The following SPOCK1 variants were observed in gnomAD, a reference collection of about 807,000 sequenced individuals.
SPOCK1 encodes the protein testican-1.
Under a neutral mutation model 55.3 loss-of-function variants are expected in SPOCK1, and 23 were observed. The ratio of observed to expected loss-of-function variants is 0.42; its 90% CI spans 0.30 to 0.59. The LOEUF is 0.59. Ranked by LOEUF, SPOCK1 falls within the 20% of genes least tolerant of loss-of-function variation. SPOCK1 has a pLI of 0.22. For missense variants in SPOCK1, 499 were observed against 552.5 expected (o/e 0.90, Z 0.97); for synonymous variants, 226 against 221.0 (o/e 1.02, Z -0.20).
At chr5:137,296,671 G>A (rs971772034) in intron 2 of SPOCK1, among the ~76,000 whole-genome samples, 8 of 152,202 alleles carry the variant, frequency 5.3e-5, no homozygotes, top group Admixed American at 5.2e-4. Flanking sequence ...ATAAATCACA[G>A]TTTAGGGCTT....
chr5:137,051,773 A>G (rs1752212749), intron 6 of SPOCK1, among the ~76,000 whole-genome samples: 1 of 152,358 alleles, frequency 6.6e-6, no homozygotes, highest in African/African-American at 2.4e-5. Context: ...ATAATTACAA[A>G]TAGCATACAC....
intron 5 of SPOCK1, among the ~76,000 whole-genome samples, chr5:137,110,697 A>G (rs1753451078): frequency 6.6e-6 from 1 of 152,214 alleles, no homozygotes; most frequent in African/African-American, 2.4e-5. Flanking sequence ...TGGACAAAGA[A>G]TTTCTAACTC....
intron 6 of SPOCK1, among the ~76,000 whole-genome samples, chr5:137,033,116 G>T (rs534287415): frequency 3.3e-4 from 51 of 152,320 alleles, no homozygotes; most frequent in African/African-American, 1.2e-3. Flanking sequence ...TGATGCAGCT[G>T]AATGAGAGCC....
chr5:137,220,742 T>C (rs1411700879), intron 3 of SPOCK1, among the ~76,000 whole-genome samples: 1 of 152,162 alleles, frequency 6.6e-6, no homozygotes. Context: ...ACTGAGCAAA[T>C]GGTCACTAAG....
At chr5:137,162,096 G>T (rs1754568008) in intron 3 of SPOCK1, among the ~76,000 whole-genome samples, 2 of 147,784 alleles carry the variant, frequency 1.4e-5, no homozygotes, top group East Asian at 2.0e-4. Context: ...CCTTATCAAT[G>T]TACCATTCCC....
chr5:136,994,690 G>A (rs900267321), intron 6 of SPOCK1, among the ~76,000 whole-genome samples: 2 of 151,088 alleles, frequency 1.3e-5, no homozygotes, highest in Admixed American at 6.6e-5. Context: ...CTAGTAAGCT[G>A]CAATTAGCCA....
intron 6 of SPOCK1, among the ~76,000 whole-genome samples, chr5:136,999,472 G>T (rs946770390): frequency 5.9e-5 from 9 of 152,078 alleles, no homozygotes; most frequent in Admixed American, 2.0e-4. Context: ...AACAGGTAAT[G>T]GTTTTGAAAG....
At chr5:137,006,361 T>C (rs1237137106) in intron 6 of SPOCK1, among the ~76,000 whole-genome samples, 1 of 152,232 alleles carries the variant, frequency 6.6e-6, no homozygotes, top group Non-Finnish European at 1.5e-5. Context: ...CCCATTTGTT[T>C]GTGTCCTCTC....
intron 5 of SPOCK1, among the ~76,000 whole-genome samples, chr5:137,089,598 T>C (rs1753019967): frequency 6.6e-6 from 1 of 152,124 alleles, no homozygotes; most frequent in Admixed American, 6.5e-5. Context: ...TGCCAGTGCC[T>C]GAGGTCATCA....
chr5:137,412,972 T>C (rs777766464), intron 2 of SPOCK1, among the ~76,000 whole-genome samples: 1 of 149,184 alleles, frequency 6.7e-6, no homozygotes, highest in Non-Finnish European at 1.5e-5. Context: ...CCAAATCTAG[T>C]GTTAAGTGGA....
At chr5:137,084,460 C>T (rs1035524426) in intron 5 of SPOCK1, among the ~76,000 whole-genome samples, 8 of 152,134 alleles carry the variant, frequency 5.3e-5, no homozygotes, top group African/African-American at 1.7e-4. Flanking sequence ...AGGGCAGAGA[C>T]TCGAGCACCA....
chr5:137,488,849 T>C (rs1367892580), intron 2 of SPOCK1, among the ~76,000 whole-genome samples: 1 of 152,198 alleles, frequency 6.6e-6, no homozygotes, highest in Non-Finnish European at 1.5e-5. Flanking sequence ...GAGTGTGATG[T>C]GTCCCAGATC....
At chr5:137,214,679 T>C (rs1003226747) in intron 3 of SPOCK1, among the ~76,000 whole-genome samples, 2 of 152,148 alleles carry the variant, frequency 1.3e-5, no homozygotes, top group Non-Finnish European at 2.9e-5. Context: ...TACCAAGTGC[T>C]AGTGTCAGGA....
intron 2 of SPOCK1, among the ~76,000 whole-genome samples, chr5:137,371,024 C>T (rs1224694124): frequency 6.6e-6 from 1 of 152,224 alleles, no homozygotes; most frequent in Non-Finnish European, 1.5e-5. Flanking sequence ...GGTTCCAGAA[C>T]CCAGTTCAGC....
At chr5:137,356,179 C>T (rs1040119746) in intron 2 of SPOCK1, among the ~76,000 whole-genome samples, 1 of 152,152 alleles carries the variant, frequency 6.6e-6, no homozygotes, top group African/African-American at 2.4e-5. Flanking sequence ...TTAGGCTGAC[C>T]ATGCCATTTC....
At position 137,011,633 on chromosome 5, in the gene SPOCK1, C is replaced by T. The variant is rs528338183; in HGVS notation, c.590-19033G>A. Among the ~76,000 whole-genome samples, 6 of 152,290 alleles carry T rather than the reference C, an allele frequency of 3.9e-5. No homozygotes were observed. In the South Asian group the frequency reaches 1.2e-3, roughly 32 times the overall value. On this transcript the variant is annotated intron_variant, in intron 6 of 10. Coordinates refer to ENST00000394945, the MANE Select transcript of SPOCK1 (RefSeq NM_004598.4). ...CTCCACCAGGTCCTTTTGCCTCAGT[C>T]CCATCTACCACATCAGCAATAAATT...
intron 5 of SPOCK1, among the ~76,000 whole-genome samples, chr5:137,104,813 T>C (rs942738840): frequency 1.3e-5 from 2 of 152,220 alleles, no homozygotes; most frequent in Admixed American, 6.5e-5. Flanking sequence ...GTGAGTTGTA[T>C]AATTATTTCA....
chr5:137,416,228 T>A (rs182384051), intron 2 of SPOCK1, among the ~76,000 whole-genome samples: 1 of 152,060 alleles, frequency 6.6e-6, no homozygotes, highest in East Asian at 1.9e-4. Flanking sequence ...TTTCAAAAGT[T>A]GCAATAAAGA....
At chr5:137,066,987 CAGAGAG>C (rs753181225) in intron 6 of SPOCK1, among the ~76,000 whole-genome samples, 12 of 139,562 alleles carry the variant, frequency 8.6e-5, no homozygotes, top group Admixed American at 1.5e-4. Context: ...CACACACACA[CAGAGAG>C]AGAGAGAGAG....
Sources: gnomAD v4.1 joint callset for allele counts (sites outside exome capture counted in the v4.1 genomes callset) on GRCh38, gnomAD v4.1.1 for gene constraint, MANE v1.5 for transcripts, NCBI Gene and HGNC (gene_info 2026-07-23, HGNC 2026-07-21) for gene names.